DENND2B: variants seen among roughly 807,000 people sequenced by gnomAD.
DENND2B encodes the protein DENN domain-containing protein 2B.
A neutral mutation model predicts 116.0 loss-of-function variants in DENND2B; 32 were observed. The ratio of observed to expected loss-of-function variants is 0.28; its 90% CI spans 0.21 to 0.37. The LOEUF (loss-of-function observed/expected upper bound fraction) is 0.37, where lower values mean the gene tolerates loss of function less well. Among genes scored for constraint, DENND2B ranks in the 10% least tolerant of loss-of-function variants. DENND2B has a pLI of 1.00. For missense variants in DENND2B, 1,276 were observed against 1,477.7 expected (o/e 0.86, Z 2.24); for synonymous variants, 588 against 583.9 (o/e 1.01, Z -0.10).
In DENND2B at chr11:8,717,004, T is replaced by C. The variant is rs184287512; in HGVS notation, c.1629+737A>G. On this transcript the variant is annotated intron_variant, in intron 5 of 19. Transcript: ENST00000313726. ...CCAAAGGCAGAAGAAATCATTTTTA[T>C]ATTATCATTTTATATTATCTGGCCA... Among the ~76,000 whole-genome samples the C allele has an allele frequency of 1.7e-4, 26 of 152,356 alleles. No individual in the cohort carries two copies. The East Asian group carries it at 4.4e-3, about 26-fold the overall frequency.
chr11:8,793,475 C>A (rs2059558418), intron 1 of DENND2B, among the ~76,000 whole-genome samples: 1 of 152,210 alleles, frequency 6.6e-6, no homozygotes, highest in Non-Finnish European at 1.5e-5. Context: ...TCAGTTAGGG[C>A]AGCATTTTCA....
intron 2 of DENND2B, among the ~76,000 whole-genome samples, chr11:8,738,895 C>T (rs2049633464): frequency 6.6e-6 from 1 of 152,130 alleles, no homozygotes; most frequent in African/African-American, 2.4e-5. Context: ...TCTTTCACAC[C>T]CTACCCCCTT....
At chr11:8,734,623 A>G (rs1172572978) in intron 2 of DENND2B, among the ~76,000 whole-genome samples, 1 of 152,028 alleles carries the variant, frequency 6.6e-6, no homozygotes, top group Non-Finnish European at 1.5e-5. Flanking sequence ...CCCAGTCTCT[A>G]CTAAAAATAA....
At chr11:8,854,599 G>A (rs1179954363) in intron 3 of DENND2B, among the ~76,000 whole-genome samples, 1 of 152,214 alleles carries the variant, frequency 6.6e-6, no homozygotes, top group Non-Finnish European at 1.5e-5. Context: ...GCAGCCACTG[G>A]GTATGATGGC....
In DENND2B at chr11:8,702,597, C is replaced by T. The variant is rs199981549; in HGVS notation, c.2695G>A (p.Val899Ile). Residue 899 changes from valine (V) to isoleucine (I), a missense_variant, in exon 14 of 20, where the codon GTC (valine) becomes ATC (isoleucine). Physicochemically the swap from Val to Ile is conservative, Grantham distance 29 (BLOSUM62 3). Around this residue, in one of 2 missense-constraint regions of DENND2B, gnomAD observed 420 missense variants for 631.1 expected, o/e 0.67. Coordinates refer to ENST00000313726, the MANE Select transcript of DENND2B (RefSeq NM_213618.2). The surrounding 1 kb of genome is among the most constrained non-coding windows in gnomAD (Gnocchi z 4.6). Reference sequence around the variant, plus strand: ...CTGAGCTTATCTGCCACAAAAATGACCCGGCGCTCCAGCAGCAGTGAGGCA... The same window carrying T: ...CTGAGCTTATCTGCCACAAAAATGATCCGGCGCTCCAGCAGCAGTGAGGCA... ...IFASLLLERR[V>I]IFVADKLSTL... 1.5e-5 allele frequency: 25 copies of T among 1,613,358 alleles called. No individual in the cohort carries two copies. The highest frequency in any genetic ancestry group is 2.1e-5 in the Non-Finnish European group (25 of 1,180,034).
At chr11:8,850,419 A>T (rs540563835) in intron 3 of DENND2B, among the ~76,000 whole-genome samples, 3 of 152,160 alleles carry the variant, frequency 2.0e-5, no homozygotes, top group Non-Finnish European at 4.4e-5. Context: ...AAGATATACA[A>T]ATGGCCAACA....
intron 1 of DENND2B, among the ~76,000 whole-genome samples, chr11:8,804,639 G>C (rs1006839213): frequency 6.8e-6 from 1 of 146,956 alleles, no homozygotes; most frequent in African/African-American, 2.5e-5. Context: ...CCGCCTCCCA[G>C]GTTCAAGCTG....
chr11:8,855,300 T>A (rs2063156271), intron 3 of DENND2B, among the ~76,000 whole-genome samples: 1 of 151,746 alleles, frequency 6.6e-6, no homozygotes, highest in Admixed American at 6.6e-5. Context: ...GGGAAGACTA[T>A]CTCGCTCAGG....
chr11:8,852,764 G>T lies in DENND2B; in HGVS notation c.-156+4579C>A, dbSNP rs556771600. Among the ~76,000 whole-genome samples the T allele has an allele frequency of 6.6e-4, 101 of 152,312 alleles. 2 individuals carry two copies. In the South Asian group the frequency reaches 0.02, roughly 31 times the overall value. ...TTAAACTATTCTAGAAAGCTCATTT[G>T]TTCAGCAGCCTAGAAGACTGAACAC... On this transcript the variant is annotated intron_variant, in intron 3 of 6. Coordinates refer to the DENND2B transcript ENST00000524757.
intron 2 of DENND2B, among the ~76,000 whole-genome samples, chr11:8,749,009 C>T (rs2051833126): frequency 6.6e-6 from 1 of 152,108 alleles, no homozygotes; most frequent in East Asian, 1.9e-4. Context: ...CCTAAATATA[C>T]AATTTCTTTA....
intron 3 of DENND2B, among the ~76,000 whole-genome samples, chr11:8,841,948 C>A (rs2062638140): frequency 6.6e-6 from 1 of 152,214 alleles, no homozygotes; most frequent in Admixed American, 6.5e-5. Flanking sequence ...TTCCCCAGTT[C>A]AATCCAGAGT....
At chr11:8,806,950 G>C (rs1056724429) in intron 1 of DENND2B, among the ~76,000 whole-genome samples, 17 of 147,634 alleles carry the variant, frequency 1.2e-4, no homozygotes, top group Non-Finnish European at 8.9e-5. Flanking sequence ...ATGCCCTCCT[G>C]GCCCCTTCTC....
At position 8,693,895 on chromosome 11, in the gene DENND2B, T is replaced by C; in HGVS notation, c.*201A>G. On this transcript the variant is annotated 3_prime_UTR_variant, in exon 20 of 20. Coordinates refer to ENST00000313726, the MANE Select transcript of DENND2B (RefSeq NM_213618.2). ...TATTTGCCATATTCTCTTTGCTTGT[T>C]ACAAAAAACAGTTAAGAAAGCTTAC... is the stretch of plus-strand genomic sequence containing the variant. 6 of 538,362 alleles carry C rather than the reference T, an allele frequency of 1.1e-5. No homozygotes were observed. The South Asian group carries it at 1.7e-4, about 15-fold the overall frequency. 33.3% of individuals were successfully genotyped at this position (538,362 alleles called of 1,614,324 possible).
rs1244909834 is a variant in DENND2B, at chr11:8,726,862, C to T, written c.1341-653G>A. Among the ~76,000 whole-genome samples, 4 of 152,214 alleles carry T rather than the reference C, an allele frequency of 2.6e-5. No homozygotes were observed. The East Asian group carries it at 5.8e-4, about 22-fold the overall frequency. On this transcript the variant is annotated intron_variant, in intron 3 of 19. Coordinates refer to ENST00000313726, the MANE Select transcript of DENND2B (RefSeq NM_213618.2). ...GGGTGGTTTGTTGAAGCAGGAAGGG[C>T]TGAGCCCTTAAAACAAATAAGACCA...
chr11:8,843,872 G>A (rs1343847370), intron 3 of DENND2B, among the ~76,000 whole-genome samples: 2 of 152,048 alleles, frequency 1.3e-5, no homozygotes, highest in South Asian at 2.1e-4. Flanking sequence ...CCGCTCCCAC[G>A]GCACCTCCTT....
At chr11:8,725,958 GA>G (rs1219395932) in intron 4 of DENND2B, 114 bp downstream of exon 4, 1 of 1,484,102 alleles carries the variant, frequency 6.7e-7, no homozygotes, top group Non-Finnish European at 9.2e-7. Flanking sequence ...AGGAGTTCCA[GA>G]AGGTGGGACC....
At chr11:8,836,524 C>T (rs1213419175) in intron 4 of DENND2B, among the ~76,000 whole-genome samples, 1 of 145,042 alleles carries the variant, frequency 6.9e-6, no homozygotes, top group Non-Finnish European at 1.5e-5. Context: ...CAGGTTCAAA[C>T]GATTCTCCTG....
chr11:8,798,090 T>C (rs2059992201), intron 1 of DENND2B, among the ~76,000 whole-genome samples: 1 of 152,196 alleles, frequency 6.6e-6, no homozygotes, highest in African/African-American at 2.4e-5. Flanking sequence ...ACATCACCAT[T>C]ATATCCTTCC....
chr11:8,856,209 A>T (rs1006010283), intron 3 of DENND2B, among the ~76,000 whole-genome samples: 2 of 152,238 alleles, frequency 1.3e-5, no homozygotes, highest in Non-Finnish European at 2.9e-5. Flanking sequence ...AGTACCCAGC[A>T]CAGTATCTGG....
Sources: allele counts gnomAD v4.1 joint callset (sites outside exome capture counted in the v4.1 genomes callset), GRCh38; gene constraint gnomAD v4.1.1; regional missense constraint gnomAD v4.1.1; non-coding constraint Gnocchi (gnomAD v3.1); transcripts MANE v1.5; gene names NCBI Gene and HGNC (gene_info 2026-07-23, HGNC 2026-07-21).